The following CLMN variants were observed in gnomAD, a reference collection of about 807,000 sequenced individuals.
The protein encoded by CLMN is calmin, also known as calmin (calponin-like, transmembrane).
In CLMN, 57 loss-of-function variants were observed where a neutral mutation model predicts 92.7. The observed-to-expected ratio is 0.61, with a 90% CI of 0.50 to 0.77. The LOEUF (loss-of-function observed/expected upper bound fraction) is 0.77. Ranked by LOEUF, CLMN falls within the 30% of genes least tolerant of loss-of-function variation. The pLI, the probability that CLMN is intolerant of heterozygous loss-of-function variation, is 0.00. For missense variants in CLMN, 1,158 were observed against 1,237.5 expected (o/e 0.94, Z 0.96); for synonymous variants, 466 against 470.6 (o/e 0.99, Z 0.13).
rs1286787181 is a variant in CLMN at position 95,261,175 on chromosome 14, G to A, written c.83-31042C>T. On this transcript the variant is annotated intron_variant, in intron 1 of 12. Coordinates refer to ENST00000298912, the MANE Select transcript of CLMN (RefSeq NM_024734.4). ...CTGTTTTAAACGGCAAGATCACCGAGAGAAAGCACACAAATGCAAAAAAAA... is the reference window on the plus strand; with the variant it reads ...CTGTTTTAAACGGCAAGATCACCGAAAGAAAGCACACAAATGCAAAAAAAA... Among the ~76,000 whole-genome samples the A allele has an allele frequency of 3.0e-4, 42 of 140,162 alleles. No homozygotes were observed. The Admixed American group carries it at 3.2e-3, about 11-fold the overall frequency. 92.0% of individuals were successfully genotyped at this position (140,162 alleles called of 152,430 possible).
At chr14:95,225,700 G>A (rs1897689322) in intron 2 of CLMN, among the ~76,000 whole-genome samples, 1 of 152,202 alleles carries the variant, frequency 6.6e-6, no homozygotes, top group Non-Finnish European at 1.5e-5. Flanking sequence ...AGTAACAGAA[G>A]CCCCAGCCTC....
At chr14:95,248,964 G>A (rs1042299517) in intron 1 of CLMN, among the ~76,000 whole-genome samples, 3 of 152,066 alleles carry the variant, frequency 2.0e-5, no homozygotes, top group Admixed American at 1.3e-4. Flanking sequence ...CCAATCGGGG[G>A]AAATATTTAC....
At chr14:95,279,824 G>A (rs1364248588) in intron 1 of CLMN, among the ~76,000 whole-genome samples, 2 of 152,180 alleles carry the variant, frequency 1.3e-5, no homozygotes, top group Admixed American at 1.3e-4. Context: ...TTACTTACTG[G>A]CTTTTTCACC....
rs1441688784 is a variant in CLMN, at chr14:95,197,396, A to AG, written c.2512-703_2512-702insC. On this transcript the variant is annotated intron_variant, in intron 9 of 12. Coordinates refer to ENST00000298912, the MANE Select transcript of CLMN (RefSeq NM_024734.4). ...AGGAAGGAAGATAGAGAGAGAAAGAAAAAAGAAAAAAAGAAAGAAAGAAAG... is the reference window on the plus strand; with the variant it reads ...AGGAAGGAAGATAGAGAGAGAAAGAAGAAAAGAAAAAAAGAAAGAAAGAAAG... Among the ~76,000 whole-genome samples, 23 of 151,706 alleles carry AG rather than the reference A, an allele frequency of 1.5e-4. 1 individual carries two copies. The highest frequency in any genetic ancestry group is 9.8e-4 in the Admixed American group (15 of 15,278).
intron 1 of CLMN, among the ~76,000 whole-genome samples, chr14:95,274,078 A>C (rs117221068): frequency 1.7e-3 from 266 of 152,220 alleles, no homozygotes; most frequent in Non-Finnish European, 2.7e-3. Context: ...GCTTATCAAT[A>C]GGTTTCCCAT....
chr14:95,246,514 G>A (rs1898578884), intron 1 of CLMN, among the ~76,000 whole-genome samples: 1 of 152,194 alleles, frequency 6.6e-6, no homozygotes, highest in East Asian at 1.9e-4. Flanking sequence ...TGTCGCCCAG[G>A]CTGGAGTGCA....
chr14:95,317,972 G>A (rs1420686517), intron 1 of CLMN, among the ~76,000 whole-genome samples: 1 of 152,174 alleles, frequency 6.6e-6, no homozygotes, highest in Non-Finnish European at 1.5e-5. Context: ...CCTACTCAGT[G>A]AACTCCTACC....
intron 9 of CLMN, 96 bp downstream of exon 9, chr14:95,202,742 A>G: frequency 7.6e-7 from 1 of 1,321,970 alleles, no homozygotes; most frequent in Non-Finnish European, 1.0e-6. Flanking sequence ...AAGCCCCCTC[A>G]TCGCTATTTT....
chr14:95,251,186 T>A (rs1898770460), intron 1 of CLMN, among the ~76,000 whole-genome samples: 1 of 152,150 alleles, frequency 6.6e-6, no homozygotes, highest in African/African-American at 2.4e-5. Flanking sequence ...GCAACGTCCA[T>A]CTTCTTGGTT....
chr14:95,194,552 T>C lies in CLMN; in HGVS notation c.2753A>G (p.His918Arg), dbSNP rs756100617. 5.6e-6 allele frequency: 9 copies of C among 1,612,782 alleles called. No homozygotes were observed. The Admixed American group carries it at 1.5e-4, about 27-fold the overall frequency. ...CATACTAACCGATTCCGAAGACCTA[T>C]GAGTATGTCGTCGAAGGTAAATGCT... is the stretch of plus-strand genomic sequence containing the variant. The part of the protein sequence containing the change: ...DSSIYLRRHT[H>R]RSSESDHFSY... The change falls in exon 11 of 13, where the codon CAT becomes CGT. Residue 918 changes from histidine to arginine, a missense_variant. Transcript: ENST00000298912. The surrounding 1 kb of genome is among the most constrained non-coding windows in gnomAD (Gnocchi z 4.0).
Position 95,193,895 on chromosome 14 carries a change from T to G in CLMN, c.2794A>C (p.Arg932=). Residue 932 remains arginine, a synonymous_variant, in exon 12 of 13, where the codon AGG becomes CGG. Transcript: ENST00000298912. The part of the protein sequence containing the change: ...ESDHFSYVQL[R]NAADLDDRRN... ...CTGTCATCCAGATCTGCTGCGTTCC[T>G]CAACTGAACATAGCTAAAATGATCC... 6.2e-7 allele frequency: 1 copy of G among 1,614,100 alleles called. No individual in the cohort carries two copies. Among genetic ancestry groups the G allele is most frequent in the African/African-American group, 1.3e-5 (1 of 75,036 alleles).
rs1896364360 is a variant in CLMN, at chr14:95,183,043, T to C, written c.*8521A>G. The C allele has an allele frequency of 6.6e-6, 1 of 152,210 alleles. No homozygotes were observed. Among genetic ancestry groups the C allele is most frequent in the African/African-American group, 2.4e-5 (1 of 41,448 alleles). 9.4% of individuals were successfully genotyped at this position (152,210 alleles called of 1,614,324 possible). ...TGCTTTAAGCAAATAGGCCACTTAT[T>C]GAGATAAATAAAAACTACCTTCGTA... is the stretch of plus-strand genomic sequence containing the variant. On this transcript the variant is annotated 3_prime_UTR_variant, in exon 13 of 13. Coordinates refer to ENST00000298912, the MANE Select transcript of CLMN (RefSeq NM_024734.4).
chr14:95,289,484 A>C (rs947181853), intron 1 of CLMN, among the ~76,000 whole-genome samples: 1 of 100,052 alleles, frequency 1.0e-5, no homozygotes, highest in African/African-American at 3.1e-5. Flanking sequence ...TAAATAAATA[A>C]ATAAATAAAT....
chr14:95,234,017 C>A (rs1353639801), intron 1 of CLMN, among the ~76,000 whole-genome samples: 1 of 152,230 alleles, frequency 6.6e-6, no homozygotes, highest in Non-Finnish European at 1.5e-5. Flanking sequence ...GGACCTAAAA[C>A]TGGGACGCAT....
Position 95,196,697 on chromosome 14 carries a change from G to A in CLMN, c.2512-3C>T. The A allele has an allele frequency of 6.2e-7, 1 of 1,611,492 alleles. No individual in the cohort carries two copies. The highest frequency in any genetic ancestry group is 2.2e-5 in the East Asian group (1 of 44,870). ...TCCAGGTTTGGGGATTCCTGGGACTGAAAGACAGAACAACCAAATCCAAGT... is the reference window on the plus strand; with the variant it reads ...TCCAGGTTTGGGGATTCCTGGGACTAAAAGACAGAACAACCAAATCCAAGT... On this transcript the variant is annotated splice_region_variant and splice_polypyrimidine_tract_variant and intron_variant, in intron 9 of 12. Transcript: ENST00000298912.
At chr14:95,291,117 A>G (rs1414995899) in intron 1 of CLMN, among the ~76,000 whole-genome samples, 1 of 152,224 alleles carries the variant, frequency 6.6e-6, no homozygotes, top group East Asian at 1.9e-4. Flanking sequence ...TTAAAAAGAA[A>G]CCACCTTGGA....
chr14:95,215,988 T>C (rs1482241744), intron 4 of CLMN, among the ~76,000 whole-genome samples: 1 of 152,168 alleles, frequency 6.6e-6, no homozygotes, highest in Non-Finnish European at 1.5e-5. Context: ...CTTACAAATA[T>C]TAACTCAGTT....
intron 8 of CLMN, among the ~76,000 whole-genome samples, chr14:95,206,741 C>G (rs1445348767): frequency 1.3e-5 from 2 of 152,206 alleles, no homozygotes; most frequent in Admixed American, 6.5e-5. Flanking sequence ...AATCTTTTCC[C>G]ATCTGCAGTT....
At chr14:95,204,657 A>C (rs1445421916) in intron 8 of CLMN, among the ~76,000 whole-genome samples, 194 bp from the exon 9 acceptor site, 2 of 152,216 alleles carry the variant, frequency 1.3e-5, no homozygotes, top group African/African-American at 4.8e-5. Flanking sequence ...TGGTTAGAGA[A>C]GACTCTTGTT....
Sources: gnomAD v4.1 joint callset for allele counts (sites outside exome capture counted in the v4.1 genomes callset) on GRCh38, gnomAD v4.1.1 for gene constraint, Gnocchi (gnomAD v3.1) non-coding constraint, MANE v1.5 for transcripts, NCBI Gene and HGNC (gene_info 2026-07-23, HGNC 2026-07-21) for gene names.